PCDHA2: variants seen among roughly 807,000 people sequenced by gnomAD.
PCDHA2 encodes the protein protocadherin alpha 2, also known as protocadherin alpha-2.
Under a neutral mutation model 66.0 loss-of-function variants are expected in PCDHA2, and 58 were observed. That is an observed-to-expected ratio of 0.88 (90% CI 0.71 to 1.09). The LOEUF is 1.09. Ranked by LOEUF, PCDHA2 falls within the 50% of genes least tolerant of loss-of-function variation. The pLI is 0.00. For synonymous variants in PCDHA2, 634 were observed against 554.0 expected (o/e 1.14, Z -2.03); for missense variants, 1,267 against 1,242.3 (o/e 1.02, Z -0.30).
chr5:140,837,972 C>T (rs929090739), intron 1 of PCDHA2, among the ~76,000 whole-genome samples: 2 of 151,768 alleles, frequency 1.3e-5, no homozygotes, highest in African/African-American at 2.4e-5. Context: ...AACAACCACA[C>T]CCAGCCTGCC....
rs2150168616 is a variant in PCDHA2, at chr5:140,829,481, G to A, written c.2388+32129G>A. On this transcript the variant is annotated intron_variant, in intron 1 of 3. Coordinates refer to ENST00000526136, the MANE Select transcript of PCDHA2 (RefSeq NM_018905.3). ...CGCGCAGCCCGAGTACACAGTGTTC[G>A]TGAAGGAGAACAACCCGCCGGGCTG... 4.6e-5 allele frequency: 75 copies of A among 1,613,668 alleles called. No homozygotes were observed. The highest frequency in any genetic ancestry group is 1.7e-4 in the Middle Eastern group (1 of 5,788).
chr5:140,986,114 T>A (rs1465954606), intron 3 of PCDHA2, among the ~76,000 whole-genome samples: 1 of 152,168 alleles, frequency 6.6e-6, no homozygotes, highest in Non-Finnish European at 1.5e-5. Flanking sequence ...AAGATAAAGA[T>A]GCCACACTCT....
intron 1 of PCDHA2, among the ~76,000 whole-genome samples, chr5:140,901,961 C>T (rs62384485): frequency 2.0e-5 from 3 of 151,946 alleles, no homozygotes; most frequent in Non-Finnish European, 2.9e-5. Flanking sequence ...TCGTGGCTAT[C>T]GTAAATGGGA....
intron 3 of PCDHA2, among the ~76,000 whole-genome samples, chr5:141,009,295 A>AT (rs1258767808): frequency 6.6e-6 from 1 of 152,030 alleles, no homozygotes; most frequent in African/African-American, 2.4e-5. Flanking sequence ...TTTCTATAAA[A>AT]TTTTTTTTAA....
intron 3 of PCDHA2, among the ~76,000 whole-genome samples, chr5:141,000,395 CTATATA>C (rs1190667031): frequency 5.7e-4 from 31 of 53,962 alleles, no homozygotes; most frequent in Admixed American, 2.5e-3. Flanking sequence ...CTCTCTCTCT[CTATATA>C]TATATATATA....
intron 1 of PCDHA2, chr5:140,967,164 C>G (rs762120187): frequency 8.7e-6 from 14 of 1,611,226 alleles, no homozygotes; most frequent in Non-Finnish European, 1.2e-5. Flanking sequence ...GCGGTGAGCG[C>G]CGTTGAGGTG....
intron 1 of PCDHA2, among the ~76,000 whole-genome samples, chr5:140,891,939 C>G (rs1475126639): frequency 3.3e-5 from 5 of 152,212 alleles, no homozygotes; most frequent in African/African-American, 1.2e-4. Flanking sequence ...TGGACTTCCC[C>G]TAGGCTCCAG....
At chr5:140,821,554 A>G in intron 1 of PCDHA2, 1 of 509,150 alleles carries the variant, frequency 2.0e-6, no homozygotes, top group Non-Finnish European at 3.4e-6. Context: ...CATCCACATG[A>G]TGTCGCTGGA....
chr5:140,878,257 T>C (rs1266553954), intron 1 of PCDHA2, among the ~76,000 whole-genome samples: 10 of 152,206 alleles, frequency 6.6e-5, no homozygotes, highest in African/African-American at 2.4e-4. Flanking sequence ...CCTCACGTGC[T>C]TAGGCTTTTA....
chr5:140,802,538 C>T (rs782528123), intron 1 of PCDHA2: 4 of 1,614,192 alleles, frequency 2.5e-6, no homozygotes, highest in South Asian at 1.1e-5. Context: ...AGGTGGCCGA[C>T]GTGAACGACA....
At chr5:140,941,563 C>T (rs2093116700) in intron 1 of PCDHA2, among the ~76,000 whole-genome samples, 1 of 151,946 alleles carries the variant, frequency 6.6e-6, no homozygotes, top group Admixed American at 6.6e-5. Context: ...GATCCATTCG[C>T]CTCAGCCTCC....
chr5:140,990,342 C>A (rs2097389388), intron 3 of PCDHA2, among the ~76,000 whole-genome samples: 1 of 152,124 alleles, frequency 6.6e-6, no homozygotes, highest in Non-Finnish European at 1.5e-5. Flanking sequence ...TAAGTAAAGC[C>A]TGCCCTGTAC....
intron 1 of PCDHA2, chr5:140,835,699 C>T: frequency 1.9e-6 from 3 of 1,613,916 alleles, no homozygotes; most frequent in African/African-American, 2.7e-5. Context: ...TGGGCCACTG[C>T]TAGCGTGTCC....
chr5:140,874,111 G>T (rs977519429), intron 1 of PCDHA2, among the ~76,000 whole-genome samples: 2 of 152,056 alleles, frequency 1.3e-5, no homozygotes, highest in Non-Finnish European at 2.9e-5. Flanking sequence ...ATTACTTAAC[G>T]TTTTATAGTT....
chr5:140,851,824 T>C (rs1336167909), intron 1 of PCDHA2: 1 of 964,578 alleles, frequency 1.0e-6, no homozygotes, highest in Non-Finnish European at 1.3e-6. Context: ...CAGAAATCTG[T>C]TTTTTTAAAA....
chr5:140,969,305 A>C (rs1481597194), intron 1 of PCDHA2: 1 of 1,614,206 alleles, frequency 6.2e-7, no homozygotes, highest in East Asian at 2.2e-5. Flanking sequence ...GATTATTCTC[A>C]AAAATGAGGC....
intron 1 of PCDHA2, chr5:140,861,242 A>T (rs1554154320): frequency 6.0e-6 from 1 of 165,896 alleles, no homozygotes; most frequent in African/African-American, 2.4e-5. Context: ...TGCTAGACAA[A>T]GTGGCCAGGA....
At chr5:140,927,142 G>T (rs781883795) in intron 1 of PCDHA2, 1 of 1,614,128 alleles carries the variant, frequency 6.2e-7, no homozygotes, top group South Asian at 1.1e-5. Context: ...GGCGGACCGC[G>T]AACAGCTGTG....
At chr5:140,876,814 G>T (rs571648883) in intron 1 of PCDHA2, 1 of 1,614,226 alleles carries the variant, frequency 6.2e-7, no homozygotes, top group Non-Finnish European at 8.5e-7. Context: ...GGTGGCCGAC[G>T]TGAACGACAA....
Sources: gnomAD v4.1 joint callset for allele counts (sites outside exome capture counted in the v4.1 genomes callset) on GRCh38, gnomAD v4.1.1 for gene constraint, MANE v1.5 for transcripts, NCBI Gene and HGNC (gene_info 2026-07-23, HGNC 2026-07-21) for gene names.